FBXL17: variants seen among roughly 807,000 people sequenced by gnomAD.
FBXL17 encodes F-box/LRR-repeat protein 17.
In FBXL17, 22 loss-of-function variants were observed where a neutral mutation model predicts 66.2. The observed-to-expected ratio is 0.33, with a 90% CI of 0.24 to 0.47. FBXL17 has a LOEUF of 0.47. FBXL17 is among the 20% of genes least tolerant of loss of function. FBXL17 has a pLI of 1.00. For synonymous variants in FBXL17, 474 were observed against 400.5 expected, an observed-to-expected ratio of 1.18 and a Z score of -2.19; for missense variants, 878 against 948.2, an observed-to-expected ratio of 0.93 and a Z score of 0.97.
intron 4 of FBXL17, chr5:108,299,703 CAGTAATGCCTGGGTCCCT>C: frequency 1.0e-6 from 1 of 984,144 alleles, no homozygotes; most frequent in Non-Finnish European, 1.2e-6. Context: ...GCTGCTTGTC[CAGTAATGCCTGGGTCCCT>C]AGGTAAGTTA....
intron 4 of FBXL17, among the ~76,000 whole-genome samples, chr5:108,258,425 G>A (rs766942743): frequency 6.6e-6 from 1 of 152,132 alleles, no homozygotes; most frequent in Admixed American, 6.6e-5. Context: ...AAGGAACAAA[G>A]TTAGTTTTCT....
In FBXL17 at chr5:107,861,628, A is replaced by T; in HGVS notation, c.*92T>A. 1 of 1,223,052 alleles carries T rather than the reference A, an allele frequency of 8.2e-7. No individual in the cohort carries two copies. Among genetic ancestry groups the T allele is most frequent in the Non-Finnish European group, 1.1e-6 (1 of 929,118 alleles). The allele number at this position is 1,223,052 out of a possible 1,614,324, so 75.8% of individuals were successfully genotyped here. On this transcript the variant is annotated 3_prime_UTR_variant, in exon 9 of 9. Coordinates refer to ENST00000542267, the MANE Select transcript of FBXL17 (RefSeq NM_001163315.3). The stretch of plus-strand genomic sequence containing the variant: ...ACTTGAACACACACAGACAGGTGAC[A>T]GTTAAAACCCTTCCGAGAGATCAGC...
At chr5:108,353,890 T>A (rs559325492) in intron 3 of FBXL17, among the ~76,000 whole-genome samples, 1 of 152,328 alleles carries the variant, frequency 6.6e-6, no homozygotes, top group South Asian at 2.1e-4. Flanking sequence ...AAAGGCCCAT[T>A]TATGAAAGTT....
intron 7 of FBXL17, among the ~76,000 whole-genome samples, chr5:107,888,296 A>AT (rs1364437185): frequency 6.6e-6 from 1 of 152,132 alleles, no homozygotes; most frequent in Non-Finnish European, 1.5e-5. Context: ...GTGAATATGG[A>AT]GTGTGTTTTA....
chr5:108,178,147 C>G (rs1474290781), intron 6 of FBXL17, among the ~76,000 whole-genome samples: 3 of 151,916 alleles, frequency 2.0e-5, no homozygotes, highest in Non-Finnish European at 4.4e-5. Flanking sequence ...CAGTCTCGAG[C>G]TATCCTCCCA....
chr5:107,979,254 T>C (rs1752711495), intron 7 of FBXL17, among the ~76,000 whole-genome samples: 1 of 152,190 alleles, frequency 6.6e-6, no homozygotes, highest in Non-Finnish European at 1.5e-5. Flanking sequence ...GGATAATATA[T>C]TAAATCAAAG....
intron 6 of FBXL17, among the ~76,000 whole-genome samples, chr5:108,131,727 C>T (rs1003148612): frequency 2.0e-5 from 3 of 151,918 alleles, no homozygotes; most frequent in Non-Finnish European, 4.4e-5. Flanking sequence ...ATTATGAATG[C>T]TAATTATTAT....
intron 1 of FBXL17, among the ~76,000 whole-genome samples, chr5:108,377,962 G>T (rs1200038056): frequency 2.0e-5 from 3 of 152,134 alleles, no homozygotes; most frequent in Non-Finnish European, 4.4e-5. Flanking sequence ...AAGTGATATG[G>T]CTGTTATAAA....
At chr5:108,001,725 C>T (rs1308950294) in intron 7 of FBXL17, among the ~76,000 whole-genome samples, 2 of 151,966 alleles carry the variant, frequency 1.3e-5, no homozygotes, top group African/African-American at 4.8e-5. Flanking sequence ...TGGTCTCGAT[C>T]TCCTGACCTC....
At chr5:108,370,574 C>G (rs774899471) in intron 1 of FBXL17, among the ~76,000 whole-genome samples, 18 of 152,070 alleles carry the variant, frequency 1.2e-4, no homozygotes, top group Non-Finnish European at 1.8e-4. Flanking sequence ...GAAATCCCAT[C>G]TCTACTAAAA....
intron 7 of FBXL17, among the ~76,000 whole-genome samples, chr5:108,009,284 T>TAC (rs1191647313): frequency 4.1e-5 from 1 of 24,580 alleles, no homozygotes; most frequent in South Asian, 1.4e-3. Flanking sequence ...TATATATATA[T>TAC]ATATATATAT....
intron 4 of FBXL17, among the ~76,000 whole-genome samples, chr5:108,256,353 T>C (rs956851319): frequency 6.6e-6 from 1 of 152,156 alleles, no homozygotes; most frequent in Non-Finnish European, 1.5e-5. Flanking sequence ...TGGGCAAAAG[T>C]TTATTTTTTT....
intron 4 of FBXL17, among the ~76,000 whole-genome samples, chr5:108,270,621 G>C (rs902551784): frequency 1.3e-5 from 2 of 151,120 alleles, no homozygotes; most frequent in African/African-American, 4.8e-5. Flanking sequence ...TTGAGGATAA[G>C]TGACATTTAA....
chr5:108,254,427 C>T (rs145230151), intron 4 of FBXL17, among the ~76,000 whole-genome samples: 3 of 152,242 alleles, frequency 2.0e-5, no homozygotes, highest in Non-Finnish European at 2.9e-5. Flanking sequence ...AAAACTGTCC[C>T]GAATGCTTTC....
intron 6 of FBXL17, among the ~76,000 whole-genome samples, chr5:108,133,494 A>G (rs1181721846): frequency 6.6e-6 from 1 of 152,160 alleles, no homozygotes; most frequent in Admixed American, 6.5e-5. Flanking sequence ...CAGTCATTCA[A>G]TCAGAGCACA....
chr5:108,110,454 A>G (rs910940390), intron 6 of FBXL17, among the ~76,000 whole-genome samples: 1 of 152,212 alleles, frequency 6.6e-6, no homozygotes, highest in Admixed American at 6.5e-5. Context: ...TAATGCATGT[A>G]TTCATAAAGA....
At chr5:108,226,485 T>C (rs977723773) in intron 4 of FBXL17, among the ~76,000 whole-genome samples, 3 of 152,218 alleles carry the variant, frequency 2.0e-5, no homozygotes, top group Non-Finnish European at 4.4e-5. Flanking sequence ...AGTTCATGTG[T>C]CTTAAGAAGT....
At chr5:108,017,889 A>T (rs568166801) in intron 7 of FBXL17, among the ~76,000 whole-genome samples, 165 of 152,240 alleles carry the variant, frequency 1.1e-3, no homozygotes, top group African/African-American at 3.9e-3. Context: ...CTTTATGACA[A>T]CTATATCATA....
At chr5:108,003,102 T>C (rs948948428) in intron 7 of FBXL17, among the ~76,000 whole-genome samples, 3 of 152,124 alleles carry the variant, frequency 2.0e-5, no homozygotes, top group African/African-American at 7.2e-5. Context: ...GACCCAAAAA[T>C]TAAGTATGAA....
Sources: allele counts gnomAD v4.1 joint callset (sites outside exome capture counted in the v4.1 genomes callset), GRCh38; gene constraint gnomAD v4.1.1; transcripts MANE v1.5; gene names NCBI Gene and HGNC (gene_info 2026-07-23, HGNC 2026-07-21).